Variants in LOC400499 observed in about 807,000 individuals in gnomAD.
the LOC400499 span, among the ~76,000 whole-genome samples, chr16:11,525,505 G>A: frequency 6.6e-6 from 1 of 152,090 alleles, no homozygotes; most frequent in African/African-American, 2.4e-5. Context: ...ACATTTCAAA[G>A]ACATTCAACC....
At chr16:11,487,973 C>T in the LOC400499 span, among the ~76,000 whole-genome samples, 9 of 151,872 alleles carry the variant, frequency 5.9e-5, no homozygotes, top group South Asian at 4.2e-4. Flanking sequence ...AAAAATTAGC[C>T]GGGCATGGTG....
the LOC400499 span, among the ~76,000 whole-genome samples, chr16:11,426,631 TA>T: frequency 1.3e-5 from 2 of 150,826 alleles, no homozygotes; most frequent in Admixed American, 1.3e-4. Context: ...CTAAATGGCA[TA>T]AAAATATCAG....
the LOC400499 span, chr16:11,387,231 G>A: frequency 8.8e-5 from 108 of 1,232,340 alleles, no homozygotes; most frequent in Middle Eastern, 3.1e-4. Context: ...CTGGTCACCC[G>A]GGCCACGTCC....
chr16:11,400,620 T>A, the LOC400499 span, among the ~76,000 whole-genome samples: 1 of 152,092 alleles, frequency 6.6e-6, no homozygotes, highest in African/African-American at 2.4e-5. Flanking sequence ...TTTATATTTT[T>A]AGTAGAGACA....
At chr16:11,496,559 G>C in the LOC400499 span, among the ~76,000 whole-genome samples, 20 of 152,174 alleles carry the variant, frequency 1.3e-4, no homozygotes, top group African/African-American at 4.6e-4. Context: ...CAGCGCACTC[G>C]AGTACCCTAG....
chr16:11,477,171 C>T, the LOC400499 span, among the ~76,000 whole-genome samples: 1 of 152,242 alleles, frequency 6.6e-6, no homozygotes, highest in Non-Finnish European at 1.5e-5. Context: ...AAAGCACCTG[C>T]CTGGGTTCCA....
At chr16:11,479,309 G>C in the LOC400499 span, among the ~76,000 whole-genome samples, 2 of 152,016 alleles carry the variant, frequency 1.3e-5, no homozygotes, top group African/African-American at 4.8e-5. Context: ...GATAATTTTA[G>C]ATTTACGGAA....
chr16:11,417,956 T>C, the LOC400499 span: 8 of 397,280 alleles, frequency 2.0e-5, no homozygotes, highest in Non-Finnish European at 3.1e-5. Flanking sequence ...GTCGCTGTGA[T>C]GGGAGGAACT....
At chr16:11,421,586 T>C in the LOC400499 span, among the ~76,000 whole-genome samples, 1 of 152,186 alleles carries the variant, frequency 6.6e-6, no homozygotes, top group African/African-American at 2.4e-5. Context: ...GTATTTTTAG[T>C]AGAGACAGGG....
the LOC400499 span, among the ~76,000 whole-genome samples, chr16:11,506,496 C>T: frequency 6.6e-6 from 1 of 152,186 alleles, no homozygotes; most frequent in Admixed American, 6.6e-5. Context: ...GCTCCTTGTT[C>T]TCAGAACACC....
At chr16:11,378,359 G>A in the LOC400499 span, among the ~76,000 whole-genome samples, 1 of 151,888 alleles carries the variant, frequency 6.6e-6, no homozygotes, top group Non-Finnish European at 1.5e-5. Context: ...TGCCTCCCGG[G>A]TTCAAGTGAT....
chr16:11,458,580 A>G, the LOC400499 span, among the ~76,000 whole-genome samples: 1 of 151,956 alleles, frequency 6.6e-6, no homozygotes, highest in Non-Finnish European at 1.5e-5. Flanking sequence ...TCCGAAACAG[A>G]AAGTAGAATG....
the LOC400499 span, among the ~76,000 whole-genome samples, chr16:11,479,524 G>A: frequency 6.6e-6 from 1 of 151,932 alleles, no homozygotes; most frequent in African/African-American, 2.4e-5. Context: ...TTGGGAAGCT[G>A]AGGTGGGAGG....
chr16:11,384,342 A>C, the LOC400499 span: 1 of 1,220,414 alleles, frequency 8.2e-7, no homozygotes, highest in Non-Finnish European at 1.0e-6. Context: ...GGAAGAGGGA[A>C]GCGGAGGCCG....
chr16:11,486,405 T>G, the LOC400499 span, among the ~76,000 whole-genome samples: 1 of 102,716 alleles, frequency 9.7e-6, no homozygotes, highest in African/African-American at 4.5e-5. Context: ...ATGGATTGAG[T>G]GAATAGATGG....
chr16:11,385,540 A>AT, the LOC400499 span: 12 of 578,594 alleles, frequency 2.1e-5, no homozygotes, highest in Middle Eastern at 5.1e-4. Context: ...TGAGGCCTGG[A>AT]TTCCCCCTCC....
At chr16:11,467,661 G>T in the LOC400499 span, among the ~76,000 whole-genome samples, 19 of 152,042 alleles carry the variant, frequency 1.2e-4, no homozygotes, top group African/African-American at 4.6e-4. Flanking sequence ...TGACAACTGG[G>T]TTTTCATGCT....
the LOC400499 span, chr16:11,392,348 CCG>C: frequency 2.5e-6 from 1 of 399,034 alleles, no homozygotes; most frequent in East Asian, 3.6e-5. Flanking sequence ...CCCCTGGCAG[CCG>C]CGCGCGGCCA....
the LOC400499 span, among the ~76,000 whole-genome samples, chr16:11,527,251 T>C: frequency 1.3e-5 from 2 of 152,124 alleles, no homozygotes; most frequent in African/African-American, 4.8e-5. Context: ...GGAATCTTTT[T>C]CCCCAAAGAG....
Sources: gnomAD v4.1 joint callset for allele counts (sites outside exome capture counted in the v4.1 genomes callset) on GRCh38, gnomAD v4.1.1 for gene constraint, MANE v1.5 for transcripts.